The following ME3 variants were observed in gnomAD, a reference collection of about 807,000 sequenced individuals.
ME3 encodes the protein malic enzyme 3, also known as NADP-dependent malic enzyme, mitochondrial.
A neutral mutation model predicts 68.9 loss-of-function variants in ME3; 48 were observed. The observed-to-expected ratio is 0.70, with a 90% CI of 0.55 to 0.89. The LOEUF is 0.89. Among genes scored for constraint, ME3 ranks in the 40% least tolerant of loss-of-function variants. ME3 has a pLI of 0.00. For synonymous variants in ME3, 320 were observed against 318.8 expected (o/e 1.00, Z -0.04); for missense variants, 675 against 797.4 (o/e 0.85, Z 1.85).
At chr11:86,584,792 T>C (rs1000293103) in intron 2 of ME3, among the ~76,000 whole-genome samples, 2 of 151,930 alleles carry the variant, frequency 1.3e-5, no homozygotes, top group African/African-American at 4.8e-5. Flanking sequence ...GGATTAGAGG[T>C]AGGAGGAAAT....
intron 2 of ME3, among the ~76,000 whole-genome samples, chr11:86,592,552 T>C (rs1186463402): frequency 6.6e-6 from 1 of 152,164 alleles, no homozygotes; most frequent in Non-Finnish European, 1.5e-5. Flanking sequence ...TAGGTAAACA[T>C]AGAGACAGTG....
At chr11:86,631,758 G>T (rs1944031661) in intron 2 of ME3, among the ~76,000 whole-genome samples, 1 of 152,170 alleles carries the variant, frequency 6.6e-6, no homozygotes, top group Admixed American at 6.5e-5. Context: ...TTGAGATAGA[G>T]TTTTATTCTT....
chr11:86,646,239 A>T (rs899053190), intron 2 of ME3, among the ~76,000 whole-genome samples: 4 of 152,228 alleles, frequency 2.6e-5, no homozygotes, highest in African/African-American at 9.6e-5. Context: ...AAGGTGGGTA[A>T]TAACAAACTC....
chr11:86,550,511 C>G (rs555278629), intron 4 of ME3, among the ~76,000 whole-genome samples: 2 of 152,290 alleles, frequency 1.3e-5, no homozygotes, highest in East Asian at 3.9e-4. Flanking sequence ...TAACCAGAAC[C>G]GGCTGCAGAC....
chr11:86,441,679 C>T (rs1315912013), intron 14 of ME3, among the ~76,000 whole-genome samples: 1 of 152,158 alleles, frequency 6.6e-6, no homozygotes, highest in African/African-American at 2.4e-5. Flanking sequence ...ATAAATTCTG[C>T]CTGCTTCCAA....
At chr11:86,653,621 T>C (rs530046200) in intron 2 of ME3, among the ~76,000 whole-genome samples, 1 of 152,206 alleles carries the variant, frequency 6.6e-6, no homozygotes, top group Non-Finnish European at 1.5e-5. Flanking sequence ...TTTATAGCAC[T>C]AAATGCCCAC....
chr11:86,636,943 G>C (rs988988972), intron 2 of ME3, among the ~76,000 whole-genome samples: 2 of 152,144 alleles, frequency 1.3e-5, no homozygotes, highest in African/African-American at 4.8e-5. Flanking sequence ...GATGCTGTGA[G>C]GCCAGAGGAG....
chr11:86,595,427 T>C (rs1375176295), intron 2 of ME3, among the ~76,000 whole-genome samples: 1 of 147,574 alleles, frequency 6.8e-6, no homozygotes, highest in Non-Finnish European at 1.5e-5. Flanking sequence ...ATTTGACAGA[T>C]GAAGAGACTG....
chr11:86,565,133 A>G (rs1957419537), intron 2 of ME3, among the ~76,000 whole-genome samples: 1 of 152,216 alleles, frequency 6.6e-6, no homozygotes, highest in Non-Finnish European at 1.5e-5. Context: ...AATCAAAGCC[A>G]CAATATGATA....
chr11:86,478,916 G>T (rs1434961205), intron 7 of ME3, among the ~76,000 whole-genome samples: 1 of 152,070 alleles, frequency 6.6e-6, no homozygotes, highest in East Asian at 1.9e-4. Flanking sequence ...CTTCTGCCTG[G>T]ATTGCAAGGC....
intron 2 of ME3, among the ~76,000 whole-genome samples, chr11:86,654,141 A>C (rs1268440066): frequency 6.6e-6 from 1 of 152,212 alleles, no homozygotes; most frequent in Non-Finnish European, 1.5e-5. Context: ...GACCAGATGG[A>C]TTCACAGCCG....
At chr11:86,610,809 G>A (rs1253060155) in intron 2 of ME3, among the ~76,000 whole-genome samples, 1 of 152,172 alleles carries the variant, frequency 6.6e-6, no homozygotes, top group Non-Finnish European at 1.5e-5. Flanking sequence ...AGGACTTGTT[G>A]CAACTCAAGA....
chr11:86,536,033 T>C (rs1289451186), intron 4 of ME3, among the ~76,000 whole-genome samples: 1 of 152,112 alleles, frequency 6.6e-6, no homozygotes, highest in Non-Finnish European at 1.5e-5. Flanking sequence ...TGGAGGCAAA[T>C]AGAAACTCCA....
chr11:86,560,693 T>C (rs1957161181), intron 2 of ME3, among the ~76,000 whole-genome samples: 1 of 148,514 alleles, frequency 6.7e-6, no homozygotes, highest in Admixed American at 6.8e-5. Context: ...TAAATATATG[T>C]ATATAATGAT....
intron 2 of ME3, among the ~76,000 whole-genome samples, chr11:86,594,129 G>A (rs1959178457): frequency 6.8e-6 from 1 of 146,632 alleles, no homozygotes; most frequent in South Asian, 2.2e-4. Flanking sequence ...TTACATTCTA[G>A]AGATATCAAC....
chr11:86,658,942 T>C lies in ME3; in HGVS notation c.183+12820A>G, dbSNP rs538028267. Among the ~76,000 whole-genome samples, 4 of 152,324 alleles carry C rather than the reference T, an allele frequency of 2.6e-5. No homozygotes were observed. The South Asian group carries it at 8.3e-4, about 32-fold the overall frequency. On this transcript the variant is annotated intron_variant, in intron 2 of 14. Transcript: ENST00000543262. The stretch of plus-strand genomic sequence containing the variant: ...GTTTCATCAACAGCAACTGCATTGC[T>C]ATTCACTGTCCTTGTGACCTCAAGT...
chr11:86,535,884 A>T (rs1038998783), intron 4 of ME3, among the ~76,000 whole-genome samples: 1 of 152,082 alleles, frequency 6.6e-6, no homozygotes, highest in Admixed American at 6.5e-5. Context: ...TCTATCCACT[A>T]CTCCTTCCAT....
intron 5 of ME3, among the ~76,000 whole-genome samples, chr11:86,505,258 G>GT (rs777995390): frequency 6.6e-6 from 1 of 151,788 alleles, no homozygotes; most frequent in Non-Finnish European, 1.5e-5. Context: ...GCACCTAGGG[G>GT]TGGGGGGGGA....
intron 2 of ME3, among the ~76,000 whole-genome samples, chr11:86,571,659 G>T (rs1957801698): frequency 6.6e-6 from 1 of 152,240 alleles, no homozygotes; most frequent in South Asian, 2.1e-4. Context: ...TCCCAGCCTG[G>T]CCTAATGGAA....
Sources: gnomAD v4.1 joint callset for allele counts (sites outside exome capture counted in the v4.1 genomes callset) on GRCh38, gnomAD v4.1.1 for gene constraint, MANE v1.5 for transcripts, NCBI Gene and HGNC (gene_info 2026-07-23, HGNC 2026-07-21) for gene names.